Variants in PTGER3 observed in about 807,000 individuals in gnomAD.
PTGER3 encodes the protein prostaglandin E receptor 3.
In PTGER3, 22 loss-of-function variants were observed where a neutral mutation model predicts 34.7. That is an observed-to-expected ratio of 0.63 (90% confidence interval 0.45 to 0.91). The LOEUF (loss-of-function observed/expected upper bound fraction) is 0.91. Among genes scored for constraint, PTGER3 ranks in the 40% least tolerant of loss-of-function variants. The pLI, the probability that PTGER3 is intolerant of heterozygous loss-of-function variation, is 0.00. For missense variants in PTGER3, 468 were observed against 519.4 expected (o/e 0.90, Z 0.96); for synonymous variants, 241 against 230.1 (o/e 1.05, Z -0.43).
At chr1:71,046,639 C>T (rs981766763) in intron 1 of PTGER3, 42 bp downstream of exon 1, 1 of 1,506,396 alleles carries the variant, frequency 6.6e-7, no homozygotes, top group Non-Finnish European at 8.8e-7. Flanking sequence ...CCCGCTTACT[C>T]GCACACGCAT....
chr1:70,988,459 G>A (rs1458528440), intron 2 of PTGER3, among the ~76,000 whole-genome samples: 5 of 152,128 alleles, frequency 3.3e-5, no homozygotes, highest in Admixed American at 2.0e-4. Flanking sequence ...AATTCCAGCC[G>A]ATTATTTGTG....
rs186668059 is a variant in PTGER3 at position 70,893,679 on chromosome 1, G to A, written c.*24-40820C>T. Among the ~76,000 whole-genome samples, 276 of 152,238 alleles carry A rather than the reference G, an allele frequency of 1.8e-3. 1 individual carries two copies. The highest frequency in any genetic ancestry group is 3.2e-3 in the Non-Finnish European group (220 of 68,014). On this transcript the variant is annotated intron_variant, in intron 4 of 4. Coordinates refer to the PTGER3 transcript ENST00000370931. ...CCCTGAATAGTCAGGACTTTTCTGC[G>A]AATTTATAGGATTTTATTACACAAA...
rs143165473 is a variant in PTGER3 at position 70,953,035 on chromosome 1, G to T, written c.1129C>A (p.Gln377Lys). 7.5e-5 allele frequency: 121 copies of T among 1,606,040 alleles called. No individual in the cohort carries two copies. The highest frequency in any genetic ancestry group is 9.9e-5 in the Non-Finnish European group (116 of 1,175,486). ...CAATGTGCAGTTGCCCTCTGTATCT[G>T]AGAGTTCTGCAAACTGCAGATTAAC... is the stretch of plus-strand genomic sequence containing the variant. Residue 377 changes from glutamine to lysine, a missense_variant, in exon 4 of 4, where the codon CAG (glutamine) becomes AAG (lysine). Coordinates refer to the PTGER3 transcript ENST00000356595.
At chr1:70,916,460 G>C (rs1206432583) in intron 4 of PTGER3, among the ~76,000 whole-genome samples, 2 of 152,064 alleles carry the variant, frequency 1.3e-5, no homozygotes, top group East Asian at 3.8e-4. Flanking sequence ...ATTCACAACA[G>C]CAAAGACATA....
intron 1 of PTGER3, among the ~76,000 whole-genome samples, chr1:71,026,821 T>A (rs1658966199): frequency 6.6e-6 from 1 of 152,070 alleles, no homozygotes; most frequent in South Asian, 2.1e-4. Flanking sequence ...ATATCCCAAT[T>A]TTGGATAACT....
chr1:70,911,661 A>T (rs1472392202), intron 4 of PTGER3, among the ~76,000 whole-genome samples: 1 of 152,158 alleles, frequency 6.6e-6, no homozygotes, highest in Non-Finnish European at 1.5e-5. Flanking sequence ...AACTAGGAAG[A>T]TAGGAACTTA....
At chr1:70,981,601 A>G (rs1295209722) in intron 2 of PTGER3, among the ~76,000 whole-genome samples, 1 of 151,466 alleles carries the variant, frequency 6.6e-6, no homozygotes, top group Non-Finnish European at 1.5e-5. Context: ...TAGAGATAGG[A>G]TCTCACTATG....
intron 1 of PTGER3, among the ~76,000 whole-genome samples, chr1:71,045,553 G>A (rs779793709): frequency 5.3e-5 from 8 of 152,070 alleles, no homozygotes; most frequent in Admixed American, 2.0e-4. Context: ...ACTTACACAC[G>A]GACATTTCTA....
rs77419576 is a variant in PTGER3 at position 71,039,150 on chromosome 1, G to A, written c.897+7531C>T. Among the ~76,000 whole-genome samples, 19 of 152,216 alleles carry A rather than the reference G, an allele frequency of 1.2e-4. No individual in the cohort carries two copies. The East Asian group carries it at 3.5e-3, about 28-fold the overall frequency. Reference sequence around the variant, plus strand: ...TGCAGATAAGTCCTCCCCTTCTCAGGGCCATCGAGCAGAAAAGAGCATTCC... The same window carrying A: ...TGCAGATAAGTCCTCCCCTTCTCAGAGCCATCGAGCAGAAAAGAGCATTCC... On this transcript the variant is annotated intron_variant, in intron 1 of 3. Transcript: ENST00000306666.
intron 4 of PTGER3, among the ~76,000 whole-genome samples, chr1:70,873,427 A>T (rs1181598645): frequency 2.0e-5 from 3 of 152,204 alleles, no homozygotes; most frequent in Non-Finnish European, 4.4e-5. Context: ...ACGGTGAGTC[A>T]TATAATAGAC....
intron 2 of PTGER3, among the ~76,000 whole-genome samples, chr1:70,987,701 G>A (rs991444151): frequency 6.6e-6 from 1 of 152,074 alleles, no homozygotes; most frequent in Admixed American, 6.5e-5. Context: ...CTATGCATAG[G>A]CATAACCACA....
At chr1:70,981,370 T>TC in intron 2 of PTGER3, among the ~76,000 whole-genome samples, 1 of 120,372 alleles carries the variant, frequency 8.3e-6, no homozygotes, top group African/African-American at 3.3e-5. Flanking sequence ...TTTCTTTCTT[T>TC]CTTTCTTTCT....
intron 1 of PTGER3, among the ~76,000 whole-genome samples, chr1:71,027,590 A>G (rs1659044278): frequency 6.6e-6 from 1 of 152,208 alleles, no homozygotes; most frequent in Non-Finnish European, 1.5e-5. Context: ...CTATTTCTCT[A>G]AAGAGATGTA....
At chr1:70,987,299 G>T (rs1268941038) in intron 2 of PTGER3, among the ~76,000 whole-genome samples, 1 of 152,184 alleles carries the variant, frequency 6.6e-6, no homozygotes, top group Non-Finnish European at 1.5e-5. Flanking sequence ...GACAAATTAA[G>T]TCTGACAAAA....
At chr1:70,892,117 C>T (rs1646630499) in intron 4 of PTGER3, among the ~76,000 whole-genome samples, 1 of 152,158 alleles carries the variant, frequency 6.6e-6, no homozygotes, top group Admixed American at 6.5e-5. Context: ...GAAAAATACA[C>T]AGAGGTGAGG....
At chr1:70,870,514 C>G (rs891406501) in intron 4 of PTGER3, among the ~76,000 whole-genome samples, 1 of 152,242 alleles carries the variant, frequency 6.6e-6, no homozygotes, top group Non-Finnish European at 1.5e-5. Flanking sequence ...TTCCCTGCCA[C>G]ATGGCTAGGC....
At chr1:70,973,236 TAGATAGATAGATA>T (rs1243422229) in intron 3 of PTGER3, among the ~76,000 whole-genome samples, 1 of 143,226 alleles carries the variant, frequency 7.0e-6, no homozygotes, top group African/African-American at 2.5e-5. Context: ...GATAGATAGA[TAGATAGATAGATA>T]GATAGATAGA....
At chr1:70,970,238 T>C (rs758684830), downstream of PTGER3, among the ~76,000 whole-genome samples, 17 of 152,112 alleles carry the variant, frequency 1.1e-4, no homozygotes, top group Non-Finnish European at 1.5e-4. Flanking sequence ...AAAAATAAAA[T>C]AGTGAATAGA....
chr1:71,022,311 C>A (rs1178789319), intron 1 of PTGER3, among the ~76,000 whole-genome samples: 1 of 132,352 alleles, frequency 7.6e-6, no homozygotes, highest in Non-Finnish European at 1.8e-5. Flanking sequence ...GGTAAGCAGT[C>A]TGACACTCTG....
Sources: allele counts gnomAD v4.1 joint callset (sites outside exome capture counted in the v4.1 genomes callset), GRCh38; gene constraint gnomAD v4.1.1; transcripts MANE v1.5; gene names NCBI Gene and HGNC (gene_info 2026-07-23, HGNC 2026-07-21).